The following SGCZ variants were observed in gnomAD, a reference collection of about 807,000 sequenced individuals.
SGCZ encodes zeta-sarcoglycan.
Under a neutral mutation model 41.3 loss-of-function variants are expected in SGCZ, and 40 were observed. That is an observed-to-expected ratio of 0.97 (90% CI 0.75 to 1.26). The LOEUF (loss-of-function observed/expected upper bound fraction) is 1.26, where lower values mean the gene tolerates loss of function less well. Ranked by LOEUF, SGCZ falls within the 50% of genes most tolerant of loss-of-function variation. SGCZ has a pLI of 0.00. For synonymous variants in SGCZ, 206 were observed against 137.5 expected (o/e 1.50, Z -3.49); for missense variants, 552 against 369.8 (o/e 1.49, Z -4.04).
chr8:14,112,099 C>T (rs553204509), intron 5 of SGCZ, among the ~76,000 whole-genome samples: 10 of 152,062 alleles, frequency 6.6e-5, no homozygotes, highest in Non-Finnish European at 1.2e-4. Context: ...ACCCAAGAAG[C>T]ACCAGAGAGA....
chr8:14,222,663 T>C (rs1443571272), intron 4 of SGCZ, among the ~76,000 whole-genome samples: 1 of 152,148 alleles, frequency 6.6e-6, no homozygotes, highest in Non-Finnish European at 1.5e-5. Context: ...AATGAAACTT[T>C]ACTCCATGGA....
intron 2 of SGCZ, among the ~76,000 whole-genome samples, chr8:14,450,128 C>T (rs752516728): frequency 2.0e-5 from 3 of 152,144 alleles, no homozygotes; most frequent in African/African-American, 4.8e-5. Context: ...TCCTTTTAGA[C>T]AGAGATGCCA....
intron 1 of SGCZ, among the ~76,000 whole-genome samples, chr8:15,203,803 C>T (rs1473615872): frequency 6.6e-6 from 1 of 152,114 alleles, no homozygotes; most frequent in Admixed American, 6.6e-5. Flanking sequence ...CAAGAAATAA[C>T]ACTAAAATGA....
intron 2 of SGCZ, among the ~76,000 whole-genome samples, chr8:14,481,264 G>C (rs969303827): frequency 7.2e-5 from 11 of 152,080 alleles, no homozygotes; most frequent in African/African-American, 2.4e-4. Context: ...ACACTAGCCA[G>C]TGTGAAGAAA....
intron 1 of SGCZ, among the ~76,000 whole-genome samples, chr8:14,938,799 G>A (rs1388044572): frequency 1.3e-5 from 2 of 152,018 alleles, no homozygotes; most frequent in Non-Finnish European, 2.9e-5. Context: ...GAGATAAGCT[G>A]TGGTACAATG....
At chr8:14,963,406 T>G (rs1448490655) in intron 1 of SGCZ, among the ~76,000 whole-genome samples, 1 of 151,938 alleles carries the variant, frequency 6.6e-6, no homozygotes, top group East Asian at 1.9e-4. Context: ...CGGCACAATC[T>G]TGGCTCACTG....
At chr8:14,743,704 C>T (rs1439358028) in intron 1 of SGCZ, among the ~76,000 whole-genome samples, 2 of 152,034 alleles carry the variant, frequency 1.3e-5, no homozygotes, top group Non-Finnish European at 2.9e-5. Context: ...CAAGTTTATT[C>T]AGCCATATCT....
intron 1 of SGCZ, among the ~76,000 whole-genome samples, chr8:15,192,198 T>A (rs1225052314): frequency 1.3e-5 from 2 of 152,034 alleles, no homozygotes; most frequent in Admixed American, 6.5e-5. Context: ...TGAATCCCCC[T>A]CCCTGTGTAG....
At chr8:15,057,099 C>T (rs1042166977) in intron 1 of SGCZ, among the ~76,000 whole-genome samples, 4 of 152,152 alleles carry the variant, frequency 2.6e-5, no homozygotes, top group East Asian at 1.9e-4. Flanking sequence ...CGCTGTTCCC[C>T]GATTACCACT....
chr8:15,045,197 G>A (rs1277655394), intron 1 of SGCZ, among the ~76,000 whole-genome samples: 9 of 151,968 alleles, frequency 5.9e-5, no homozygotes. Flanking sequence ...ATTCAAGACA[G>A]AACATGTAAT....
chr8:15,228,160 G>A (rs946490622), intron 1 of SGCZ, among the ~76,000 whole-genome samples: 5 of 152,266 alleles, frequency 3.3e-5, no homozygotes, highest in South Asian at 2.1e-4. Context: ...AAACAAATAC[G>A]TATGTAATAT....
chr8:14,352,037 G>A (rs1585396175), intron 2 of SGCZ, among the ~76,000 whole-genome samples: 1 of 152,164 alleles, frequency 6.6e-6, no homozygotes. Flanking sequence ...CTTATTTATA[G>A]TAGAATAGTT....
At chr8:14,246,117 A>G (rs1479612932) in intron 3 of SGCZ, among the ~76,000 whole-genome samples, 1 of 152,210 alleles carries the variant, frequency 6.6e-6, no homozygotes, top group African/African-American at 2.4e-5. Flanking sequence ...AAAGGATTAG[A>G]AATCATGCTG....
intron 1 of SGCZ, among the ~76,000 whole-genome samples, chr8:14,623,547 A>C (rs903717467): frequency 1.3e-5 from 2 of 152,202 alleles, no homozygotes; most frequent in Non-Finnish European, 1.5e-5. Context: ...TTGTAGGCAG[A>C]GACTTCAAAT....
At chr8:14,949,834 A>G (rs1159588638) in intron 1 of SGCZ, among the ~76,000 whole-genome samples, 1 of 152,144 alleles carries the variant, frequency 6.6e-6, no homozygotes, top group East Asian at 1.9e-4. Context: ...TTTATAGTCA[A>G]TATAATAATT....
At chr8:14,681,078 A>C in intron 1 of SGCZ, among the ~76,000 whole-genome samples, 1 of 152,044 alleles carries the variant, frequency 6.6e-6, no homozygotes, top group East Asian at 1.9e-4. Flanking sequence ...GTAATGAGCT[A>C]GACAAATACA....
chr8:14,983,712 G>A (rs1334240248), intron 1 of SGCZ, among the ~76,000 whole-genome samples: 3 of 152,120 alleles, frequency 2.0e-5, no homozygotes, highest in Admixed American at 6.6e-5. Flanking sequence ...TTTTACAGAT[G>A]ATGAAGTTGA....
intron 2 of SGCZ, among the ~76,000 whole-genome samples, chr8:14,552,734 C>T (rs1277136630): frequency 6.6e-6 from 1 of 151,970 alleles, no homozygotes; most frequent in African/African-American, 2.4e-5. Flanking sequence ...CTTATCCAGC[C>T]TTGGTGTCAG....
intron 1 of SGCZ, among the ~76,000 whole-genome samples, chr8:14,858,670 T>C (rs1391029266): frequency 6.6e-6 from 1 of 152,138 alleles, no homozygotes; most frequent in Admixed American, 6.6e-5. Flanking sequence ...AAACCACTGG[T>C]TTGTCTATTT....
Sources: allele counts gnomAD v4.1 joint callset (sites outside exome capture counted in the v4.1 genomes callset), GRCh38; gene constraint gnomAD v4.1.1; transcripts MANE v1.5; gene names NCBI Gene and HGNC (gene_info 2026-07-23, HGNC 2026-07-21).